MYO5A: variants seen among roughly 807,000 people sequenced by gnomAD.
MYO5A encodes the protein myosin VA.
In MYO5A, 98 loss-of-function variants were observed where a neutral mutation model predicts 249.7. The observed-to-expected ratio is 0.39, with a 90% confidence interval of 0.33 to 0.46. The LOEUF is 0.46. MYO5A is among the 20% of genes least tolerant of loss of function. The probability of loss-of-function intolerance (pLI) is 0.98; values close to 1 mark genes in which losing one functional copy is unlikely to be tolerated. For missense variants in MYO5A, 1,696 were observed against 2,308.8 expected, an observed-to-expected ratio of 0.73 and a Z score of 5.44; for synonymous variants, 778 against 810.6, an observed-to-expected ratio of 0.96 and a Z score of 0.68.
intron 32 of MYO5A, among the ~76,000 whole-genome samples, chr15:52,338,118 G>A (rs1342461560): frequency 6.6e-6 from 1 of 151,804 alleles, no homozygotes; most frequent in Admixed American, 6.6e-5. Context: ...CTGTGGCCAG[G>A]ATGCCATCAC....
chr15:52,340,454 G>T, intron 31 of MYO5A, 60 bp from the exon 32 acceptor site: 1 of 1,426,846 alleles, frequency 7.0e-7, no homozygotes, highest in Non-Finnish European at 9.8e-7. Flanking sequence ...TGCCTAACGG[G>T]TGTAAGGCAT....
intron 1 of MYO5A, among the ~76,000 whole-genome samples, chr15:52,491,855 C>T (rs1045820104): frequency 1.3e-5 from 2 of 151,872 alleles, no homozygotes; most frequent in Admixed American, 1.3e-4. Flanking sequence ...AACTGGACTG[C>T]GGGAAACTAT....
chr15:52,505,911 A>G (rs1445495528), intron 1 of MYO5A: 9 of 1,523,878 alleles, frequency 5.9e-6, no homozygotes, highest in Non-Finnish European at 7.8e-6. Flanking sequence ...AAAGATTAAA[A>G]AAAAAATTTT....
At chr15:52,395,943 T>C (rs1261717804) in intron 11 of MYO5A, among the ~76,000 whole-genome samples, 1 of 152,274 alleles carries the variant, frequency 6.6e-6, no homozygotes, top group African/African-American at 2.4e-5. Context: ...TCTGACATCT[T>C]GCTAATATAG....
In MYO5A at chr15:52,387,962, T is replaced by C. The variant is rs139797346; in HGVS notation, c.1669-50A>G. 311 of 1,256,856 alleles carry C rather than the reference T, an allele frequency of 2.5e-4. No homozygotes were observed. In the African/African-American group the frequency reaches 4.0e-3, roughly 16 times the overall value. The allele number at this position is 1,256,856 out of a possible 1,614,324, so 77.9% of individuals were successfully genotyped here. A position where few individuals can be genotyped will look rare whatever the true frequency, so the allele number is the denominator to read the frequency against. On this transcript the variant is annotated intron_variant, in intron 13 of 41. Coordinates refer to ENST00000399233, the MANE Select transcript of MYO5A (RefSeq NM_001382347.1). ...TTAACTGATAAAACTTTTGAATAGA[T>C]ATTATAATCATCAATAATAAGAATC...
intron 1 of MYO5A, among the ~76,000 whole-genome samples, chr15:52,457,118 C>G (rs1338383418): frequency 6.6e-6 from 1 of 151,892 alleles, no homozygotes; most frequent in African/African-American, 2.4e-5. Flanking sequence ...CAAAACAAAA[C>G]AAAACAAAAA....
At chr15:52,399,454 T>C (rs2042645408) in intron 9 of MYO5A, among the ~76,000 whole-genome samples, 1 of 152,184 alleles carries the variant, frequency 6.6e-6, no homozygotes. Flanking sequence ...GCACAGTGAA[T>C]AAAATCTTTA....
chr15:52,470,802 C>G (rs2076447804), intron 1 of MYO5A, among the ~76,000 whole-genome samples: 1 of 152,088 alleles, frequency 6.6e-6, no homozygotes, highest in Non-Finnish European at 1.5e-5. Context: ...GAGGGCGGAT[C>G]ACTCGAGGTC....
intron 35 of MYO5A, 55 bp from the exon 36 acceptor site, chr15:52,328,061 G>T: frequency 7.1e-7 from 1 of 1,410,152 alleles, no homozygotes; most frequent in Non-Finnish European, 9.9e-7. Flanking sequence ...CACGAGGCAT[G>T]CATTGTGAGA....
intron 34 of MYO5A, among the ~76,000 whole-genome samples, chr15:52,332,476 TG>T (rs1215551610): frequency 6.6e-6 from 1 of 152,238 alleles, no homozygotes; most frequent in Admixed American, 6.5e-5. Context: ...ACCTTCCTTT[TG>T]CAAAATCTCT....
chr15:52,322,036 G>GT (rs1210086340), intron 37 of MYO5A, among the ~76,000 whole-genome samples: 1 of 152,154 alleles, frequency 6.6e-6, no homozygotes, highest in East Asian at 1.9e-4. Context: ...TCAGTCAGAG[G>GT]TTAGAAGGGA....
chr15:52,509,190 T>C (rs115152514), intron 1 of MYO5A, among the ~76,000 whole-genome samples: 1,806 of 152,256 alleles, frequency 0.012, 43 homozygotes, highest in African/African-American at 0.042. Flanking sequence ...CTGGCTTGGA[T>C]TGAACTCCTG....
At chr15:52,429,009 C>T (rs140339206) in intron 2 of MYO5A, among the ~76,000 whole-genome samples, 1 of 152,214 alleles carries the variant, frequency 6.6e-6, no homozygotes, top group African/African-American at 2.4e-5. Flanking sequence ...CAGTATTTCA[C>T]CCAAATCCTT....
At chr15:52,455,977 G>A (rs564209880) in intron 1 of MYO5A, among the ~76,000 whole-genome samples, 2 of 152,096 alleles carry the variant, frequency 1.3e-5, no homozygotes, top group Admixed American at 1.3e-4. Context: ...AATCAGATAA[G>A]AGAAAGAAAA....
At chr15:52,402,823 C>T (rs1322043958) in intron 9 of MYO5A, among the ~76,000 whole-genome samples, 5 of 151,766 alleles carry the variant, frequency 3.3e-5, no homozygotes, top group East Asian at 1.9e-4. Flanking sequence ...CCAGACCAGG[C>T]GACAGAGCAA....
chr15:52,480,188 T>A (rs191386090), intron 1 of MYO5A, among the ~76,000 whole-genome samples: 2 of 152,184 alleles, frequency 1.3e-5, no homozygotes, highest in Non-Finnish European at 2.9e-5. Flanking sequence ...ATTTTTCATA[T>A]GTGAAGGAAG....
In MYO5A at chr15:52,478,283, T is replaced by C. The variant is rs529699969; in HGVS notation, c.28-44998A>G. On this transcript the variant is annotated intron_variant, in intron 1 of 41. Transcript: ENST00000399233. ...GAAAAGTGCAGTATTAGGGTGGGAGTGACCCAATTTTCCAGGTGCCATCTC... is the reference window on the plus strand; with the variant it reads ...GAAAAGTGCAGTATTAGGGTGGGAGCGACCCAATTTTCCAGGTGCCATCTC... 3.9e-5 allele frequency among the ~76,000 whole-genome samples: 6 copies of C among 151,988 alleles called. No individual in the cohort carries two copies. The East Asian group carries it at 1.2e-3, about 29-fold the overall frequency.
intron 38 of MYO5A, among the ~76,000 whole-genome samples, chr15:52,320,448 AG>A (rs1257890462): frequency 6.6e-6 from 1 of 152,222 alleles, no homozygotes; most frequent in Non-Finnish European, 1.5e-5. Context: ...GCAAAGCAAT[AG>A]AAAAACTGGC....
intron 1 of MYO5A, among the ~76,000 whole-genome samples, chr15:52,506,823 A>G (rs965843600): frequency 6.6e-6 from 1 of 152,242 alleles, no homozygotes; most frequent in African/African-American, 2.4e-5. Flanking sequence ...CTATAGAATG[A>G]AACGCTGTCT....
Sources: allele counts gnomAD v4.1 joint callset (sites outside exome capture counted in the v4.1 genomes callset), GRCh38; gene constraint gnomAD v4.1.1; transcripts MANE v1.5; gene names NCBI Gene and HGNC (gene_info 2026-07-23, HGNC 2026-07-21).